Variants in NTRK2 observed in about 807,000 individuals in gnomAD.
The protein encoded by NTRK2 is BDNF/NT-3 growth factors receptor.
In NTRK2, 13 loss-of-function variants were observed where a neutral mutation model predicts 94.5. That is an observed-to-expected ratio of 0.14 (90% CI 0.09 to 0.22). NTRK2 has a LOEUF of 0.22. Ranked by LOEUF, NTRK2 falls within the 10% of genes least tolerant of loss-of-function variation. The pLI is 1.00. For missense variants in NTRK2, 639 were observed against 1,071.2 expected (o/e 0.60, Z 5.63); for synonymous variants, 372 against 407.4 (o/e 0.91, Z 1.05).
chr9:84,735,119 G>T (rs1160431980), intron 9 of NTRK2, among the ~76,000 whole-genome samples: 2 of 152,058 alleles, frequency 1.3e-5, no homozygotes, highest in African/African-American at 4.8e-5. Context: ...TTTTTTTGCT[G>T]AGTGCAGTGG....
At chr9:84,847,494 G>A (rs1180463622) in intron 12 of NTRK2, among the ~76,000 whole-genome samples, 2 of 152,186 alleles carry the variant, frequency 1.3e-5, no homozygotes, top group Non-Finnish European at 2.9e-5. Context: ...TTCCATTTGG[G>A]TGGCTCAACT....
At chr9:84,817,420 A>G (rs2072498032) in intron 12 of NTRK2, among the ~76,000 whole-genome samples, 1 of 152,114 alleles carries the variant, frequency 6.6e-6, no homozygotes, top group African/African-American at 2.4e-5. Flanking sequence ...ATTCTTACAC[A>G]CTGATTCTGC....
At chr9:84,858,842 TTGGAGCATGGGA>T (rs2075193739) in intron 12 of NTRK2, among the ~76,000 whole-genome samples, 1 of 152,224 alleles carries the variant, frequency 6.6e-6, no homozygotes, top group African/African-American at 2.4e-5. Context: ...TTTGGTGATT[TTGGAGCATGGGA>T]AATGCAACTA....
At chr9:84,761,643 C>G (rs757199208) in intron 12 of NTRK2, among the ~76,000 whole-genome samples, 2 of 152,140 alleles carry the variant, frequency 1.3e-5, no homozygotes, top group Non-Finnish European at 2.9e-5. Context: ...ATGATGTAAT[C>G]TTTTTCTCTA....
At position 84,670,453 on chromosome 9, in the gene NTRK2, G is replaced by A. The variant is rs1012758321; in HGVS notation, c.-296G>A. The A allele has an allele frequency of 8.3e-6, 4 of 483,390 alleles. No individual in the cohort carries two copies. The East Asian group carries it at 1.5e-4, about 18-fold the overall frequency. 29.9% of individuals were successfully genotyped at this position (483,390 alleles called of 1,614,324 possible). On this transcript the variant is annotated 5_prime_UTR_variant, in exon 2 of 19. Coordinates refer to ENST00000277120, the MANE Select transcript of NTRK2 (RefSeq NM_006180.6). ...CCAGAGAGTCCCGGGAGCGCCGCCG[G>A]TCGGTGCCCGGCGCGCCGGGCCATG...
At chr9:84,861,148 A>C (rs2075321895) in intron 13 of NTRK2, 61 bp downstream of exon 13, 1 of 1,294,954 alleles carries the variant, frequency 7.7e-7, no homozygotes, top group Non-Finnish European at 1.1e-6. Context: ...TATTCGGATG[A>C]AAATGCTTAG....
chr9:84,925,511 T>C (rs904839165), intron 14 of NTRK2, among the ~76,000 whole-genome samples: 6 of 152,164 alleles, frequency 3.9e-5, no homozygotes, highest in Non-Finnish European at 7.3e-5. Context: ...CATTTTCATC[T>C]TGTTTTCTGT....
chr9:84,710,452 A>T (rs1196062211), intron 5 of NTRK2, among the ~76,000 whole-genome samples, 185 bp from the exon 6 acceptor site: 1 of 152,208 alleles, frequency 6.6e-6, no homozygotes, highest in Non-Finnish European at 1.5e-5. Context: ...CTGTCTGCAT[A>T]TAGGAGATGC....
intron 14 of NTRK2, among the ~76,000 whole-genome samples, chr9:84,906,756 C>T (rs1467592599): frequency 6.6e-6 from 1 of 152,148 alleles, no homozygotes; most frequent in African/African-American, 2.4e-5. Flanking sequence ...CTGGGACTGG[C>T]AGGGCTGTAA....
chr9:84,890,785 C>T (rs1425779388), intron 14 of NTRK2, among the ~76,000 whole-genome samples: 2 of 152,138 alleles, frequency 1.3e-5, no homozygotes, highest in Non-Finnish European at 1.5e-5. Flanking sequence ...GATCATATAA[C>T]AACAAAGAAA....
chr9:85,020,493 C>G lies in NTRK2; in HGVS notation c.2331+129C>G, dbSNP rs936449570. 1.7e-5 allele frequency: 16 copies of G among 917,022 alleles called. No individual in the cohort carries two copies. The African/African-American group carries it at 2.3e-4, about 13-fold the overall frequency. 56.8% of individuals were successfully genotyped at this position (917,022 alleles called of 1,614,324 possible). On this transcript the variant is annotated intron_variant, in intron 18 of 18. Transcript: ENST00000277120. ...CTTATGGGCTTTGTTGGTGGCAGCACTTCCCAAGTAGCCTGCTATGTTTCT... is the reference window on the plus strand; with the variant it reads ...CTTATGGGCTTTGTTGGTGGCAGCAGTTCCCAAGTAGCCTGCTATGTTTCT...
At position 84,978,797 on chromosome 9, in the gene NTRK2, G is replaced by A. The variant is rs886309374; in HGVS notation, c.2172+23280G>A. 2.0e-5 allele frequency among the ~76,000 whole-genome samples: 3 copies of A among 152,216 alleles called. No homozygotes were observed. The East Asian group carries it at 5.8e-4, about 29-fold the overall frequency. On this transcript the variant is annotated intron_variant, in intron 17 of 18. Coordinates refer to ENST00000277120, the MANE Select transcript of NTRK2 (RefSeq NM_006180.6). ...CTCTTGTTAGGGGCTAATGCAGCTGGTGACTTTAAGTTGAAGTCAATGTTT... is the reference window on the plus strand; with the variant it reads ...CTCTTGTTAGGGGCTAATGCAGCTGATGACTTTAAGTTGAAGTCAATGTTT...
At chr9:84,693,263 C>G (rs901206330) in intron 2 of NTRK2, among the ~76,000 whole-genome samples, 1 of 152,132 alleles carries the variant, frequency 6.6e-6, no homozygotes, top group Non-Finnish European at 1.5e-5. Flanking sequence ...AGACTGAGAT[C>G]CAGTCTTAAA....
At chr9:84,742,006 T>C (rs776452299) in intron 10 of NTRK2, 79 bp downstream of exon 10, 136 of 1,234,900 alleles carry the variant, frequency 1.1e-4, no homozygotes, top group Non-Finnish European at 1.4e-4. Flanking sequence ...GAAAGAAGAC[T>C]CTTCTAAGCT....
rs141142471 is a variant in NTRK2 at position 85,026,609 on chromosome 9, G to C, written c.*5172G>C. ...ATTATGGTGAACTATTGCTCCCTGC[G>C]TTCTTTGATCATTACCTATGACTTA... is the stretch of plus-strand genomic sequence containing the variant. On this transcript the variant is annotated 3_prime_UTR_variant, in exon 19 of 19. Coordinates refer to ENST00000277120, the MANE Select transcript of NTRK2 (RefSeq NM_006180.6). 273 of 232,868 alleles carry C rather than the reference G, an allele frequency of 1.2e-3. No individual in the cohort carries two copies. Among genetic ancestry groups the C allele is most frequent in the African/African-American group, 5.5e-3 (250 of 45,398 alleles). 14.4% of individuals were successfully genotyped at this position (232,868 alleles called of 1,614,324 possible).
At chr9:84,753,419 C>G (rs566403671) in intron 12 of NTRK2, among the ~76,000 whole-genome samples, 1 of 152,264 alleles carries the variant, frequency 6.6e-6, no homozygotes, top group Admixed American at 6.5e-5. Flanking sequence ...TAGTGTTCAC[C>G]TGACAGCTGG....
intron 2 of NTRK2, among the ~76,000 whole-genome samples, chr9:84,673,277 C>T (rs574001742): frequency 3.9e-5 from 6 of 152,176 alleles, no homozygotes; most frequent in African/African-American, 9.6e-5. Context: ...TTGTTTCACT[C>T]GCATCCTTAT....
intron 14 of NTRK2, among the ~76,000 whole-genome samples, chr9:84,933,159 T>C (rs1473359923): frequency 6.6e-6 from 1 of 152,198 alleles, no homozygotes; most frequent in Non-Finnish European, 1.5e-5. Flanking sequence ...TTTAATGCAC[T>C]ACCATTCAGC....
chr9:84,926,284 G>A (rs1359849845), intron 14 of NTRK2, among the ~76,000 whole-genome samples: 1 of 150,280 alleles, frequency 6.7e-6, no homozygotes, highest in Admixed American at 6.7e-5. Context: ...CCAGGATGGA[G>A]TGCAATGGCG....
Sources: gnomAD v4.1 joint callset for allele counts (sites outside exome capture counted in the v4.1 genomes callset) on GRCh38, gnomAD v4.1.1 for gene constraint, MANE v1.5 for transcripts, NCBI Gene and HGNC (gene_info 2026-07-23, HGNC 2026-07-21) for gene names.